The following PEAK1 variants were observed in gnomAD, a reference collection of about 807,000 sequenced individuals.
PEAK1 encodes pseudopodium enriched atypical kinase 1.
Under a neutral mutation model 124.7 loss-of-function variants are expected in PEAK1, and 54 were observed. The ratio of observed to expected loss-of-function variants is 0.43; its 90% confidence interval spans 0.35 to 0.54. The LOEUF (loss-of-function observed/expected upper bound fraction) is 0.54, where lower values mean the gene tolerates loss of function less well. PEAK1 is among the 20% of genes least tolerant of loss of function. The pLI is 0.01. For missense variants in PEAK1, 2,046 were observed against 2,134.5 expected (o/e 0.96, Z 0.82); for synonymous variants, 719 against 760.0 (o/e 0.95, Z 0.89).
intron 1 of PEAK1, among the ~76,000 whole-genome samples, chr15:77,374,736 T>C (rs1415340124): frequency 6.6e-6 from 1 of 152,150 alleles, no homozygotes; most frequent in East Asian, 1.9e-4. Flanking sequence ...ATGATTAAAA[T>C]GTTAAAAATA....
chr15:77,102,839 T>C (rs1195487669), exon 7 of PEAK1: 1 of 152,200 alleles, frequency 6.6e-6, no homozygotes, highest in African/African-American at 2.4e-5. Flanking sequence ...TTTTCATGTA[T>C]TCGTTCCTCC....
chr15:77,132,762 T>C (rs559754301), intron 9 of PEAK1, among the ~76,000 whole-genome samples: 154 of 151,580 alleles, frequency 1.0e-3, no homozygotes, highest in African/African-American at 3.4e-3. Flanking sequence ...CAAGATCCCA[T>C]AGAATTCTTG....
At chr15:77,263,507 T>A (rs1040010945) in intron 5 of PEAK1, among the ~76,000 whole-genome samples, 2 of 151,968 alleles carry the variant, frequency 1.3e-5, no homozygotes, top group African/African-American at 4.8e-5. Flanking sequence ...AAATCTAGAA[T>A]AAATGGATAA....
chr15:77,328,152 A>G (rs2065689239), intron 2 of PEAK1, among the ~76,000 whole-genome samples: 1 of 152,132 alleles, frequency 6.6e-6, no homozygotes, highest in Non-Finnish European at 1.5e-5. Flanking sequence ...TAGTACATAA[A>G]TATTTTTAAA....
chr15:77,172,940 GA>G (rs2056610459), intron 7 of PEAK1, among the ~76,000 whole-genome samples: 1 of 152,096 alleles, frequency 6.6e-6, no homozygotes, highest in Non-Finnish European at 1.5e-5. Context: ...TTTTAGTAGA[GA>G]CAAGGTCTCA....
At chr15:77,236,926 G>C (rs575145673) in intron 6 of PEAK1, among the ~76,000 whole-genome samples, 1 of 152,226 alleles carries the variant, frequency 6.6e-6, no homozygotes, top group South Asian at 2.1e-4. Flanking sequence ...TGTGAAGAAG[G>C]TGCTTTGCTT....
chr15:77,390,668 C>T (rs532914106), intron 1 of PEAK1, among the ~76,000 whole-genome samples: 8 of 152,204 alleles, frequency 5.3e-5, no homozygotes, highest in Admixed American at 1.3e-4. Context: ...ATGTGCCAGG[C>T]ATGTTCTAAG....
intron 6 of PEAK1, among the ~76,000 whole-genome samples, chr15:77,185,876 TAATTCA>T (rs1253499248): frequency 6.6e-6 from 1 of 152,212 alleles, no homozygotes; most frequent in Non-Finnish European, 1.5e-5. Flanking sequence ...TGCAGGTTTC[TAATTCA>T]ACTGTGTTTT....
chr15:77,290,992 C>A (rs1386530985), intron 2 of PEAK1, among the ~76,000 whole-genome samples: 1 of 152,144 alleles, frequency 6.6e-6, no homozygotes, highest in East Asian at 1.9e-4. Flanking sequence ...AAGACAATAA[C>A]AAAGGCATAT....
At chr15:77,322,617 T>C (rs941194359) in intron 2 of PEAK1, among the ~76,000 whole-genome samples, 5 of 152,262 alleles carry the variant, frequency 3.3e-5, no homozygotes, top group Non-Finnish European at 5.9e-5. Context: ...TAACAGGCTC[T>C]GAAATTGAGG....
chr15:77,234,651 C>G (rs1036887662), intron 6 of PEAK1, among the ~76,000 whole-genome samples: 1 of 151,976 alleles, frequency 6.6e-6, no homozygotes, highest in Non-Finnish European at 1.5e-5. Flanking sequence ...TGGAGAGATA[C>G]TGAGATTACA....
chr15:77,261,314 A>C (rs1428283865), intron 5 of PEAK1, among the ~76,000 whole-genome samples: 1 of 152,188 alleles, frequency 6.6e-6, no homozygotes, highest in Non-Finnish European at 1.5e-5. Context: ...TCAGACGATC[A>C]AACTACTCCA....
intron 6 of PEAK1, chr15:77,204,474 G>A (rs1346521539): frequency 2.6e-5 from 4 of 152,872 alleles, no homozygotes; most frequent in African/African-American, 9.6e-5. Flanking sequence ...CTTGGGTGGT[G>A]AGAGGAGCAG....
intron 8 of PEAK1, among the ~76,000 whole-genome samples, chr15:77,135,437 C>T (rs371114331): frequency 1.3e-5 from 2 of 152,130 alleles, no homozygotes; most frequent in African/African-American, 2.4e-5. Flanking sequence ...TGTACTTACA[C>T]GAACCTAGAT....
chr15:77,150,188 A>G (rs1233823649), intron 8 of PEAK1, among the ~76,000 whole-genome samples: 1 of 152,206 alleles, frequency 6.6e-6, no homozygotes, highest in African/African-American at 2.4e-5. Context: ...CTGAAAGTAC[A>G]TGACTTCTTT....
intron 8 of PEAK1, among the ~76,000 whole-genome samples, chr15:77,146,214 G>A (rs1183925672): frequency 6.6e-6 from 1 of 152,122 alleles, no homozygotes; most frequent in Non-Finnish European, 1.5e-5. Flanking sequence ...CCCTCCAGCA[G>A]GCATCAGCAG....
intron 7 of PEAK1, among the ~76,000 whole-genome samples, chr15:77,165,200 CTTTT>C (rs953922841): frequency 3.0e-5 from 4 of 131,398 alleles, no homozygotes; most frequent in African/African-American, 1.1e-4. Flanking sequence ...TACGCCTGGC[CTTTT>C]TTTTTTTTTT....
intron 6 of PEAK1, among the ~76,000 whole-genome samples, chr15:77,232,982 A>C (rs1165325974): frequency 6.6e-6 from 1 of 152,074 alleles, no homozygotes; most frequent in East Asian, 1.9e-4. Flanking sequence ...CCTAACCTCA[A>C]GTGATCCACC....
At chr15:77,242,219 T>C (rs371341109) in intron 6 of PEAK1, among the ~76,000 whole-genome samples, 8 of 152,094 alleles carry the variant, frequency 5.3e-5, no homozygotes, top group Non-Finnish European at 8.8e-5. Flanking sequence ...TCAAACAGTA[T>C]GCACATAAAT....
Sources: gnomAD v4.1 joint callset for allele counts (sites outside exome capture counted in the v4.1 genomes callset) on GRCh38, gnomAD v4.1.1 for gene constraint, MANE v1.5 for transcripts, NCBI Gene and HGNC (gene_info 2026-07-23, HGNC 2026-07-21) for gene names.